Variants in HERC2 observed in about 807,000 individuals in gnomAD.
HERC2 encodes E3 ubiquitin-protein ligase HERC2.
Under a neutral mutation model 537.7 loss-of-function variants are expected in HERC2, and 102 were observed. That is an observed-to-expected ratio of 0.19 (90% CI 0.16 to 0.22). The LOEUF (loss-of-function observed/expected upper bound fraction) is 0.22. Ranked by LOEUF, HERC2 falls within the 10% of genes least tolerant of loss-of-function variation. The pLI, the probability that HERC2 is intolerant of heterozygous loss-of-function variation, is 1.00. For missense variants in HERC2, 4,236 were observed against 6,198.2 expected (o/e 0.68, Z 10.63); for synonymous variants, 2,224 against 2,466.2 (o/e 0.90, Z 2.91).
At chr15:28,250,969 T>A (rs905248500) in intron 20 of HERC2, among the ~76,000 whole-genome samples, 1 of 152,230 alleles carries the variant, frequency 6.6e-6, no homozygotes, top group Non-Finnish European at 1.5e-5. Flanking sequence ...AGTACGTACA[T>A]CCTTATTACA....
At chr15:28,147,616 G>A (rs1262285154) in intron 70 of HERC2, among the ~76,000 whole-genome samples, 3 of 149,894 alleles carry the variant, frequency 2.0e-5, no homozygotes, top group Admixed American at 6.6e-5. Flanking sequence ...CAACCTGGGC[G>A]ACAAAGTGAC....
At chr15:28,313,381 G>A (rs1201084124) in intron 2 of HERC2, among the ~76,000 whole-genome samples, 18 of 152,200 alleles carry the variant, frequency 1.2e-4, no homozygotes, top group East Asian at 1.9e-4. Flanking sequence ...GGGTTTCACC[G>A]TGTTAGCCTG....
Position 28,141,494 on chromosome 15 carries a change from G to A in HERC2, c.11953C>T (p.Leu3985Phe). ...CCTCCGATTAACTGCACGGGTCTGA[G>A]AGTTGCAAGGGCTTCACAGGGAGTG... ...VPTPCEALAT[L>F]RPVQLIGGEQ... Residue 3985 changes from leucine (L) to phenylalanine (F), a missense_variant, in exon 78 of 93, where the codon CTC (leucine) becomes TTC (phenylalanine). Leu to Phe is a conservative substitution (Grantham distance 22). Around this residue, in one of 27 missense-constraint regions of HERC2, gnomAD observed 156 missense variants for 172.3 expected, o/e 0.91. Coordinates refer to ENST00000261609, the MANE Select transcript of HERC2 (RefSeq NM_004667.6). 1.2e-6 allele frequency: 2 copies of A among 1,614,168 alleles called. No individual in the cohort carries two copies. The highest frequency in any genetic ancestry group is 1.7e-6 in the Non-Finnish European group (2 of 1,180,038).
At chr15:28,316,448 C>G (rs902918819) in intron 2 of HERC2, among the ~76,000 whole-genome samples, 1 of 151,848 alleles carries the variant, frequency 6.6e-6, no homozygotes, top group African/African-American at 2.4e-5. Context: ...TAGACCAGCC[C>G]GGACAACAAA....
chr15:28,112,097 C>T lies in HERC2; in HGVS notation c.14233-62G>A. The stretch of plus-strand genomic sequence containing the variant: ...TACGGCTGCAGTTTACTTTACTGTG[C>T]TCATTAGACTCTTCGTGCTCACAAA... On this transcript the variant is annotated intron_variant, in intron 92 of 92. Transcript: ENST00000261609. The T allele has an allele frequency of 4.0e-6, 6 of 1,482,684 alleles. No individual in the cohort carries two copies. The East Asian group carries it at 1.4e-4, about 34-fold the overall frequency. 91.8% of individuals were successfully genotyped at this position (1,482,684 alleles called of 1,614,324 possible).
chr15:28,273,442 G>C (rs2075793123), intron 7 of HERC2, among the ~76,000 whole-genome samples: 1 of 152,124 alleles, frequency 6.6e-6, no homozygotes, highest in African/African-American at 2.4e-5. Context: ...TTCTATCTCT[G>C]ATCAATGAAA....
intron 4 of HERC2, 115 bp downstream of exon 4, chr15:28,292,773 T>G: frequency 9.0e-7 from 1 of 1,108,510 alleles, no homozygotes; most frequent in Non-Finnish European, 1.3e-6. Context: ...ATATTTAAAT[T>G]TTTTATTTAC....
At chr15:28,321,964 A>C (rs1407286470) in intron 1 of HERC2, 111 bp downstream of exon 1, 1 of 125,376 alleles carries the variant, frequency 8.0e-6, no homozygotes, top group Non-Finnish European at 1.6e-5. Context: ...TGGTCCGCGC[A>C]GGCCCCGGTG....
chr15:28,172,802 A>ATTTTATT (rs1894824114), intron 65 of HERC2, among the ~76,000 whole-genome samples: 1 of 152,240 alleles, frequency 6.6e-6, no homozygotes, highest in African/African-American at 2.4e-5. Flanking sequence ...TTTAAGATTC[A>ATTTTATT]CCTGTGAAGA....
At position 28,246,806 on chromosome 15, in the gene HERC2, G is replaced by C. The variant is rs755179682; in HGVS notation, c.3327C>G (p.Ser1109Arg). 9.9e-6 allele frequency: 16 copies of C among 1,610,550 alleles called. No individual in the cohort carries two copies. The highest frequency in any genetic ancestry group is 1.4e-5 in the Non-Finnish European group (16 of 1,178,628). ...HIGDILPVAASIASTSWRHFA... is the reference protein window; with the variant it reads ...HIGDILPVAARIASTSWRHFA... The stretch of plus-strand genomic sequence containing the variant: ...AGTGCCGCCAGCTGGTAGAAGCAAT[G>C]CTGGCGGCCACAGGCAGTATATCTC... The change falls in exon 22 of 93, where the codon AGC (serine) becomes AGG (arginine). Residue 1109 changes from serine to arginine, a missense_variant. Physicochemically the swap from Ser to Arg is moderately radical, Grantham distance 110 (BLOSUM62 -1). This residue lies in a region of HERC2 where 754 missense variants were observed against 1,085.0 expected (regional missense o/e 0.69). Transcript: ENST00000261609.
intron 20 of HERC2, among the ~76,000 whole-genome samples, chr15:28,249,861 A>G (rs1416036517): frequency 6.6e-6 from 1 of 150,570 alleles, no homozygotes; most frequent in Non-Finnish European, 1.5e-5. Context: ...TCACTATGTA[A>G]ACCCAGGATG....
At chr15:28,168,774 T>C (rs1231107576) in intron 66 of HERC2, among the ~76,000 whole-genome samples, 184 bp from the exon 67 acceptor site, 2 of 152,270 alleles carry the variant, frequency 1.3e-5, no homozygotes, top group Non-Finnish European at 2.9e-5. Context: ...CTAAAATGTT[T>C]ACTCTGGATC....
intron 20 of HERC2, among the ~76,000 whole-genome samples, chr15:28,249,815 CTTT>C (rs11340454): frequency 8.9e-5 from 12 of 134,284 alleles, no homozygotes; most frequent in African/African-American, 1.6e-4. Flanking sequence ...GCCAAGCTAA[CTTT>C]TTTTTTTTTT....
intron 44 of HERC2, among the ~76,000 whole-genome samples, chr15:28,209,939 T>C (rs1051643822): frequency 5.6e-4 from 59 of 104,600 alleles, no homozygotes; most frequent in African/African-American, 2.1e-3. Flanking sequence ...GAATACATTA[T>C]CTTTTTTTTT....
chr15:28,276,141 G>C (rs1382067557), intron 5 of HERC2, among the ~76,000 whole-genome samples: 1 of 126,740 alleles, frequency 7.9e-6, no homozygotes, highest in East Asian at 2.4e-4. Context: ...AGCCAAGATC[G>C]CACCTCTGCA....
intron 69 of HERC2, among the ~76,000 whole-genome samples, chr15:28,161,674 C>T (rs1325988717): frequency 6.6e-6 from 1 of 152,202 alleles, no homozygotes; most frequent in Non-Finnish European, 1.5e-5. Context: ...TGTGCAGTGG[C>T]CATATGTGGC....
chr15:28,309,212 G>A (rs573448970), intron 2 of HERC2, among the ~76,000 whole-genome samples: 43 of 152,314 alleles, frequency 2.8e-4, no homozygotes, highest in African/African-American at 8.7e-4. Context: ...ATGTTTCTTC[G>A]TTAATTTTGT....
At chr15:28,127,854 C>T (rs1889676858) in intron 83 of HERC2, among the ~76,000 whole-genome samples, 1 of 152,094 alleles carries the variant, frequency 6.6e-6, no homozygotes, top group Non-Finnish European at 1.5e-5. Flanking sequence ...ATCCATGATT[C>T]CCACTCAGAT....
At chr15:28,261,008 T>A in intron 15 of HERC2, 38 bp from the exon 16 acceptor site, 5 of 1,499,704 alleles carry the variant, frequency 3.3e-6, no homozygotes, top group Non-Finnish European at 4.6e-6. Context: ...GCTTCAAGCC[T>A]ATGACTTCCG....
Sources: allele counts gnomAD v4.1 joint callset (sites outside exome capture counted in the v4.1 genomes callset), GRCh38; gene constraint gnomAD v4.1.1; regional missense constraint gnomAD v4.1.1; transcripts MANE v1.5; gene names NCBI Gene and HGNC (gene_info 2026-07-23, HGNC 2026-07-21).